Variants in SSH1 observed in about 807,000 individuals in gnomAD.
The protein encoded by SSH1 is slingshot protein phosphatase 1.
A neutral mutation model predicts 79.7 loss-of-function variants in SSH1; 43 were observed. The ratio of observed to expected loss-of-function variants is 0.54; its 90% CI spans 0.42 to 0.70. SSH1 has a LOEUF of 0.70. Ranked by LOEUF, SSH1 falls within the 30% of genes least tolerant of loss-of-function variation. The pLI, the probability that SSH1 is intolerant of heterozygous loss-of-function variation, is 0.00. For missense variants in SSH1, 1,206 were observed against 1,358.8 expected (o/e 0.89, Z 1.77); for synonymous variants, 599 against 538.3 (o/e 1.11, Z -1.56).
intron 2 of SSH1, among the ~76,000 whole-genome samples, chr12:108,843,455 A>G (rs1292853724): frequency 2.0e-5 from 3 of 152,060 alleles, no homozygotes; most frequent in Non-Finnish European, 4.4e-5. Context: ...CAGCTTCTTC[A>G]TATGTGCTCA....
rs1038434547 is a variant in SSH1 at position 108,794,003 on chromosome 12, G to A, written c.1350-1174C>T. Among the ~76,000 whole-genome samples, 6 of 152,298 alleles carry A rather than the reference G, an allele frequency of 3.9e-5. No individual in the cohort carries two copies. The South Asian group carries it at 8.3e-4, about 21-fold the overall frequency. ...TCAGGGAGAGGTCAGTGAGATGCTC[G>A]CTCTTCCTCCTCCTCCTCTGGGCCT... is the stretch of plus-strand genomic sequence containing the variant. On this transcript the variant is annotated intron_variant, in intron 13 of 14. Transcript: ENST00000326495.
At position 108,778,522 on chromosome 12, in the gene SSH1, A is replaced by G. The variant is rs1405928899; in HGVS notation, c.*9466T>C. ...ACTGCTTCCTCTGTAAAACAGAATC[A>G]TATCTGCGGTGAGGATTAACTTGGT... On this transcript the variant is annotated 3_prime_UTR_variant, in exon 15 of 15. Coordinates refer to ENST00000326495, the MANE Select transcript of SSH1 (RefSeq NM_018984.4). The G allele has an allele frequency of 6.6e-6, 1 of 152,214 alleles. No individual in the cohort carries two copies. The highest frequency in any genetic ancestry group is 2.4e-5 in the African/African-American group (1 of 41,448). The allele number at this position is 152,214 out of a possible 1,614,324, so 9.4% of individuals were successfully genotyped here. A position where few individuals can be genotyped will look rare whatever the true frequency, so the allele number is the denominator to read the frequency against.
chr12:108,846,853 G>T (rs2038909118), intron 2 of SSH1, among the ~76,000 whole-genome samples: 1 of 151,934 alleles, frequency 6.6e-6, no homozygotes, highest in Non-Finnish European at 1.5e-5. Context: ...ACTTTGTGAA[G>T]ACCGAGCACA....
intron 5 of SSH1, among the ~76,000 whole-genome samples, chr12:108,812,136 TG>T (rs2037640849): frequency 6.6e-6 from 1 of 152,166 alleles, no homozygotes; most frequent in African/African-American, 2.4e-5. Context: ...TCTATATCTG[TG>T]GGGAAGGTTG....
Position 108,857,431 on chromosome 12 carries a change from G to C in SSH1, c.66C>G (p.Ser22Arg). The stretch of plus-strand genomic sequence containing the variant: ...GCGCGGCGAGCCCGGGGCTCACCTC[G>C]CTGTTGCTGGCCGAGGAGGAGGCGG... ...PSAASSSASN[S>R]ELEAGSEEDR... Residue 22 changes from serine to arginine, a missense_variant, in exon 1 of 15, where the codon AGC becomes AGG. This residue lies in a region of SSH1 where 100 missense variants were observed against 82.3 expected (regional missense o/e 1.21). Coordinates refer to ENST00000326495, the MANE Select transcript of SSH1 (RefSeq NM_018984.4). This position sits in a 1 kb window ranked among gnomAD's most constrained non-coding sequence, Gnocchi z 4.7. 1 of 1,099,160 alleles carries C rather than the reference G, an allele frequency of 9.1e-7. No individual in the cohort carries two copies. The highest frequency in any genetic ancestry group is 1.1e-6 in the Non-Finnish European group (1 of 888,820). The allele number at this position is 1,099,160 out of a possible 1,614,324, so 68.1% of individuals were successfully genotyped here.
At chr12:108,829,881 C>G (rs530850206) in intron 2 of SSH1, among the ~76,000 whole-genome samples, 28 of 152,240 alleles carry the variant, frequency 1.8e-4, no homozygotes, top group African/African-American at 6.7e-4. Flanking sequence ...GTGGGAGAAT[C>G]AGTTGACCCC....
At chr12:108,792,898 G>A (rs2036576184) in intron 13 of SSH1, 69 bp from the exon 14 acceptor site, 1 of 1,597,952 alleles carries the variant, frequency 6.3e-7, no homozygotes, top group Non-Finnish European at 8.5e-7. Flanking sequence ...GGAAGAGTAT[G>A]CGGTGAGCCA....
chr12:108,817,586 A>C (rs1246375386), intron 4 of SSH1, among the ~76,000 whole-genome samples: 4 of 152,012 alleles, frequency 2.6e-5, no homozygotes, highest in Admixed American at 6.6e-5. Flanking sequence ...AACAACAACA[A>C]CACAACAAAA....
chr12:108,796,118 G>T (rs2036741897), intron 13 of SSH1, among the ~76,000 whole-genome samples: 1 of 152,062 alleles, frequency 6.6e-6, no homozygotes, highest in South Asian at 2.1e-4. Flanking sequence ...GTTTAACCTT[G>T]TTGGCCAGAC....
Position 108,789,122 on chromosome 12 carries a change from A to G in SSH1, c.2016T>C (p.Asn672=). The G allele has an allele frequency of 1.2e-6, 2 of 1,613,986 alleles. No homozygotes were observed. The highest frequency in any genetic ancestry group is 8.5e-7 in the Non-Finnish European group (1 of 1,179,930). ...CTGGCTGGGTGCAGATGGCGGGAGC[A>G]TTGGGGTCCTCACATCGCTCCCTGG... is the stretch of plus-strand genomic sequence containing the variant. ...EASRERCEDP[N]APAICTQPAF... The change falls in exon 15 of 15, where the codon AAT becomes AAC. Residue 672 remains asparagine (N), a synonymous_variant. Transcript: ENST00000326495.
At chr12:108,795,622 G>A (rs949913247) in intron 13 of SSH1, among the ~76,000 whole-genome samples, 9 of 152,000 alleles carry the variant, frequency 5.9e-5, no homozygotes, top group Non-Finnish European at 1.2e-4. Flanking sequence ...TTGGAAGGCT[G>A]AGGTGGAAGG....
At chr12:108,816,726 T>C (rs1019665822) in intron 5 of SSH1, among the ~76,000 whole-genome samples, 9 of 152,212 alleles carry the variant, frequency 5.9e-5, no homozygotes, top group Non-Finnish European at 7.3e-5. Flanking sequence ...TGTTGTCACC[T>C]CCTTCAGGAA....
chr12:108,815,430 T>C (rs1413939876), intron 5 of SSH1, among the ~76,000 whole-genome samples: 1 of 152,210 alleles, frequency 6.6e-6, no homozygotes, highest in Non-Finnish European at 1.5e-5. Flanking sequence ...GGAGGCCGAT[T>C]TCCGTTCGGG....
intron 2 of SSH1, among the ~76,000 whole-genome samples, chr12:108,831,738 G>A (rs570552828): frequency 6.6e-6 from 1 of 152,314 alleles, no homozygotes; most frequent in Non-Finnish European, 1.5e-5. Flanking sequence ...GAACCCAGGA[G>A]GATTTGGCCT....
Position 108,789,135 on chromosome 12 carries a change from C to T in SSH1, c.2003G>A (p.Cys668Tyr). 6.2e-7 allele frequency: 1 copy of T among 1,613,746 alleles called. No homozygotes were observed. Among genetic ancestry groups the T allele is most frequent in the Non-Finnish European group, 8.5e-7 (1 of 1,179,808 alleles). ...SGAPEASRERCEDPNAPAICT... is the reference protein window; with the variant it reads ...SGAPEASRERYEDPNAPAICT... ...GATGGCGGGAGCATTGGGGTCCTCA[C>T]ATCGCTCCCTGGAGGCCTCAGGAGC... The change falls in exon 15 of 15, where the codon TGT (cysteine) becomes TAT (tyrosine). Residue 668 changes from cysteine to tyrosine, a missense_variant. By Grantham distance (194) the Cys-to-Tyr change is radical. Around this residue, in one of 5 missense-constraint regions of SSH1, gnomAD observed 709 missense variants for 730.6 expected, o/e 0.97. Transcript: ENST00000326495.
At position 108,792,496 on chromosome 12, in the gene SSH1, G is replaced by T; in HGVS notation, c.1683C>A (p.Ser561=). Residue 561 remains serine (S), a synonymous_variant, in exon 14 of 15, where the codon TCC becomes TCA. Coordinates refer to ENST00000326495, the MANE Select transcript of SSH1 (RefSeq NM_018984.4). ...HRPARQPQQG[S]GLCEKDVKKK... is the part of the protein sequence containing the mutation. The stretch of plus-strand genomic sequence containing the variant: ...TCTTCACATCCTTCTCACAGAGTCC[G>T]GAACCTTGCTGGGGCTGTCTGGCCG... 6.2e-7 allele frequency: 1 copy of T among 1,614,148 alleles called. No homozygotes were observed. The highest frequency in any genetic ancestry group is 8.5e-7 in the Non-Finnish European group (1 of 1,180,026).
chr12:108,818,216 A>ATT, intron 4 of SSH1, 33 bp downstream of exon 4: 1 of 1,605,308 alleles, frequency 6.2e-7, no homozygotes, highest in Non-Finnish European at 8.5e-7. Context: ...TTAAAAAAAA[A>ATT]TTTTTTAACT....
At chr12:108,825,820 G>A (rs1472662511) in intron 2 of SSH1, among the ~76,000 whole-genome samples, 2 of 152,160 alleles carry the variant, frequency 1.3e-5, no homozygotes, top group Admixed American at 6.5e-5. Context: ...CCATCTGGCC[G>A]ATCTCATTTC....
chr12:108,817,780 C>T (rs1215523298), intron 4 of SSH1, among the ~76,000 whole-genome samples: 1 of 152,230 alleles, frequency 6.6e-6, no homozygotes, highest in African/African-American at 2.4e-5. Flanking sequence ...TCCTCCCGCC[C>T]CTCTGGGGAA....
Sources: gnomAD v4.1 joint callset for allele counts (sites outside exome capture counted in the v4.1 genomes callset) on GRCh38, gnomAD v4.1.1 for gene constraint, gnomAD v4.1.1 regional missense constraint, Gnocchi (gnomAD v3.1) non-coding constraint, MANE v1.5 for transcripts, NCBI Gene and HGNC (gene_info 2026-07-23, HGNC 2026-07-21) for gene names.